KCNIP4: variants seen among roughly 807,000 people sequenced by gnomAD.
KCNIP4 encodes the protein Kv channel-interacting protein 4.
A neutral mutation model predicts 34.0 loss-of-function variants in KCNIP4; 12 were observed. The observed-to-expected ratio is 0.35, with a 90% confidence interval of 0.23 to 0.57. KCNIP4 has a LOEUF of 0.57. Among genes scored for constraint, KCNIP4 ranks in the 20% least tolerant of loss-of-function variants. The probability of loss-of-function intolerance (pLI) is 0.83; values close to 1 mark genes in which losing one functional copy is unlikely to be tolerated. For missense variants in KCNIP4, 238 were observed against 311.7 expected (o/e 0.76, Z 1.78); for synonymous variants, 124 against 102.2 (o/e 1.21, Z -1.29).
intron 1 of KCNIP4, among the ~76,000 whole-genome samples, chr4:21,660,907 CA>C (rs1261028539): frequency 2.0e-5 from 3 of 152,126 alleles, no homozygotes; most frequent in Non-Finnish European, 4.4e-5. Context: ...GAAAAGGCCC[CA>C]CCCTCAAGCC....
intron 1 of KCNIP4, among the ~76,000 whole-genome samples, chr4:21,274,614 T>A (rs1302980360): frequency 6.6e-6 from 1 of 152,178 alleles, no homozygotes; most frequent in Non-Finnish European, 1.5e-5. Flanking sequence ...TGTAATGCTG[T>A]CAATTCCAAT....
intron 1 of KCNIP4, among the ~76,000 whole-genome samples, chr4:21,019,653 C>T (rs1422398066): frequency 6.6e-6 from 1 of 152,038 alleles, no homozygotes; most frequent in Non-Finnish European, 1.5e-5. Context: ...GGGACAATAT[C>T]TACCATATTA....
At chr4:21,099,843 T>C (rs1747788244) in intron 1 of KCNIP4, among the ~76,000 whole-genome samples, 1 of 152,144 alleles carries the variant, frequency 6.6e-6, no homozygotes, top group Admixed American at 6.6e-5. Context: ...TGAATGACTT[T>C]GAAGGGTTCA....
intron 1 of KCNIP4, among the ~76,000 whole-genome samples, chr4:21,166,252 A>C (rs1461588296): frequency 6.6e-6 from 1 of 152,232 alleles, no homozygotes; most frequent in East Asian, 1.9e-4. Context: ...AATGGACAAG[A>C]GTTTGAGCAG....
At chr4:21,662,284 C>A (rs531062122) in intron 1 of KCNIP4, among the ~76,000 whole-genome samples, 1 of 152,276 alleles carries the variant, frequency 6.6e-6, no homozygotes, top group Non-Finnish European at 1.5e-5. Flanking sequence ...AAAAGTACAT[C>A]TTCTCTTCAT....
intron 1 of KCNIP4, among the ~76,000 whole-genome samples, chr4:21,575,656 T>C (rs907621390): frequency 6.6e-6 from 1 of 152,192 alleles, no homozygotes; most frequent in African/African-American, 2.4e-5. Flanking sequence ...GAATTTATTG[T>C]ACTATACTGA....
At chr4:21,732,353 A>T (rs1190522272) in intron 1 of KCNIP4, among the ~76,000 whole-genome samples, 3 of 152,192 alleles carry the variant, frequency 2.0e-5, no homozygotes, top group African/African-American at 7.2e-5. Context: ...ATTTCAAAGC[A>T]TACTAAGTGA....
chr4:21,737,245 C>A (rs1577921405), intron 1 of KCNIP4, among the ~76,000 whole-genome samples: 1 of 152,262 alleles, frequency 6.6e-6, no homozygotes, highest in South Asian at 2.1e-4. Flanking sequence ...ATGTTCTCAT[C>A]ATTCACATCA....
At chr4:20,854,527 A>C (rs542648022) in intron 2 of KCNIP4, among the ~76,000 whole-genome samples, 1 of 152,258 alleles carries the variant, frequency 6.6e-6, no homozygotes, top group Admixed American at 6.5e-5. Flanking sequence ...AAAGACTACA[A>C]ATATTGTGCA....
intron 3 of KCNIP4, among the ~76,000 whole-genome samples, chr4:20,847,237 A>T (rs1720491237): frequency 1.3e-5 from 2 of 152,186 alleles, no homozygotes; most frequent in Admixed American, 1.3e-4. Context: ...AGACAAAGAC[A>T]CATCGTCTCC....
At chr4:21,112,025 G>GTATCCATC (rs35053587) in intron 1 of KCNIP4, among the ~76,000 whole-genome samples, 33 of 114,808 alleles carry the variant, frequency 2.9e-4, no homozygotes, top group African/African-American at 1.2e-3. Context: ...TCCTTTCTCT[G>GTATCCATC]TATCTATCTA....
At chr4:21,417,080 T>C (rs1034532677) in intron 1 of KCNIP4, among the ~76,000 whole-genome samples, 9 of 152,208 alleles carry the variant, frequency 5.9e-5, no homozygotes, top group Admixed American at 2.6e-4. Context: ...AAAATCGAAC[T>C]GGGATTGTAG....
chr4:21,329,233 A>G (rs1222476598), intron 1 of KCNIP4, among the ~76,000 whole-genome samples: 2 of 152,260 alleles, frequency 1.3e-5, no homozygotes, highest in Non-Finnish European at 2.9e-5. Flanking sequence ...AATATACAAC[A>G]TTTAATTATC....
At chr4:21,386,174 G>A (rs897952790) in intron 1 of KCNIP4, among the ~76,000 whole-genome samples, 5 of 152,078 alleles carry the variant, frequency 3.3e-5, no homozygotes, top group Admixed American at 6.6e-5. Context: ...TTATGTTCTT[G>A]TATCCTTGCT....
chr4:20,999,623 C>A (rs1399001903), intron 1 of KCNIP4, among the ~76,000 whole-genome samples: 1 of 151,550 alleles, frequency 6.6e-6, no homozygotes, highest in Non-Finnish European at 1.5e-5. Flanking sequence ...GAGGCTGTTT[C>A]AGAAATTCAG....
intron 1 of KCNIP4, among the ~76,000 whole-genome samples, chr4:20,910,508 A>G (rs1728226574): frequency 6.6e-6 from 1 of 152,170 alleles, no homozygotes; most frequent in Non-Finnish European, 1.5e-5. Context: ...GCTGAACATG[A>G]CAAGAATAGT....
chr4:20,953,315 C>G (rs1255109947), intron 1 of KCNIP4, among the ~76,000 whole-genome samples: 1 of 152,142 alleles, frequency 6.6e-6, no homozygotes, highest in Non-Finnish European at 1.5e-5. Flanking sequence ...GTCTGTTTGA[C>G]TTCATAATGA....
At chr4:21,519,761 A>ATGTGTATATACACACGTGTGTGTATGTG (rs1560481216) in intron 1 of KCNIP4, among the ~76,000 whole-genome samples, 1 of 134,442 alleles carries the variant, frequency 7.4e-6, no homozygotes, top group African/African-American at 3.0e-5. Flanking sequence ...GTGTGTATGT[A>ATGTGTATATACACACGTGTGTGTATGTG]TGTGTGTATA....
At chr4:21,379,729 G>C (rs1254187308) in intron 1 of KCNIP4, among the ~76,000 whole-genome samples, 1 of 152,128 alleles carries the variant, frequency 6.6e-6, no homozygotes, top group Non-Finnish European at 1.5e-5. Flanking sequence ...AACAGTTCCT[G>C]TATTAGCCAC....
Sources: gnomAD v4.1 joint callset for allele counts (sites outside exome capture counted in the v4.1 genomes callset) on GRCh38, gnomAD v4.1.1 for gene constraint, MANE v1.5 for transcripts, NCBI Gene and HGNC (gene_info 2026-07-23, HGNC 2026-07-21) for gene names.